PTPA: variants seen among roughly 807,000 people sequenced by gnomAD.
PTPA encodes the protein serine/threonine-protein phosphatase 2A activator.
Under a neutral mutation model 43.6 loss-of-function variants are expected in PTPA, and 13 were observed. That is an observed-to-expected ratio of 0.30 (90% confidence interval 0.19 to 0.47). The LOEUF is 0.47. PTPA is among the 20% of genes least tolerant of loss of function. The probability of loss-of-function intolerance (pLI) is 0.99; values close to 1 mark genes in which losing one functional copy is unlikely to be tolerated. For synonymous variants in PTPA, 172 were observed against 158.2 expected, an observed-to-expected ratio of 1.09 and a Z score of -0.66; for missense variants, 329 against 411.9, an observed-to-expected ratio of 0.80 and a Z score of 1.74.
At chr9:129,111,006 C>G (rs988411546), upstream of PTPA, 1 of 1,370,922 alleles carries the variant, frequency 7.3e-7, no homozygotes, top group Non-Finnish European at 9.8e-7. Flanking sequence ...TCTCCCCTGT[C>G]CCCACATGTC....
chr9:129,143,237 T>C (rs529491019), intron 9 of PTPA: 2 of 688,782 alleles, frequency 2.9e-6, no homozygotes, highest in Non-Finnish European at 5.3e-6. Context: ...TTATTTCTAC[T>C]CTGTCCCTTC....
chr9:129,133,937 T>C (rs1010090870), intron 5 of PTPA, among the ~76,000 whole-genome samples: 1 of 152,234 alleles, frequency 6.6e-6, no homozygotes, highest in Non-Finnish European at 1.5e-5. Flanking sequence ...CCCTTTGCCT[T>C]GCCAGCTCAC....
intron 8 of PTPA, among the ~76,000 whole-genome samples, chr9:129,141,101 T>C (rs978272073): frequency 2.0e-5 from 3 of 151,966 alleles, no homozygotes; most frequent in African/African-American, 7.3e-5. Flanking sequence ...TGGATGGGCT[T>C]TTTGGGAACC....
chr9:129,128,197 C>A, intron 3 of PTPA: 1 of 459,974 alleles, frequency 2.2e-6, no homozygotes. Flanking sequence ...CCATGCTAAA[C>A]CATGTAAAAC....
intron 8 of PTPA, among the ~76,000 whole-genome samples, chr9:129,138,619 A>G (rs976713987): frequency 2.0e-5 from 3 of 152,104 alleles, no homozygotes; most frequent in Non-Finnish European, 4.4e-5. Context: ...ACCAGCACGG[A>G]TGTCTGCTGC....
At chr9:129,144,656 G>A (rs111452408) in intron 9 of PTPA, among the ~76,000 whole-genome samples, 9,199 of 151,096 alleles carry the variant, frequency 0.061, 902 homozygotes, top group African/African-American at 0.21. Context: ...GGAGAATGGC[G>A]TGAGTCCGGG....
chr9:129,124,524 A>G (rs1442529354), intron 3 of PTPA, among the ~76,000 whole-genome samples: 3 of 152,274 alleles, frequency 2.0e-5, no homozygotes, highest in Non-Finnish European at 4.4e-5. Context: ...TTGGGTTCAC[A>G]CTGCCTGGTG....
chr9:129,137,912 A>C (rs577347298), intron 8 of PTPA: 90 of 564,718 alleles, frequency 1.6e-4, no homozygotes, highest in Non-Finnish European at 2.4e-4. Flanking sequence ...TTTCTCCTGA[A>C]CACCACAGGA....
intron 8 of PTPA, chr9:129,140,270 G>A (rs1033948422): frequency 2.0e-5 from 3 of 152,664 alleles, no homozygotes; most frequent in Non-Finnish European, 4.4e-5. Flanking sequence ...TGGCTAGAAT[G>A]AGCTAATTTT....
At chr9:129,122,612 A>G (rs1357797779) in intron 2 of PTPA, among the ~76,000 whole-genome samples, 1 of 152,172 alleles carries the variant, frequency 6.6e-6, no homozygotes, top group Non-Finnish European at 1.5e-5. Flanking sequence ...GTAGAGCATC[A>G]TGGACAAGCA....
At chr9:129,112,977 G>C (rs1266164112) in intron 1 of PTPA, among the ~76,000 whole-genome samples, 1 of 151,652 alleles carries the variant, frequency 6.6e-6, no homozygotes, top group African/African-American at 2.4e-5. Context: ...CACTCTTTTG[G>C]CTTCTCTAAG....
intron 8 of PTPA, chr9:129,141,939 G>T (rs1055933615): frequency 2.2e-4 from 34 of 153,202 alleles, no homozygotes; most frequent in Non-Finnish European, 3.9e-4. Flanking sequence ...CGTGTCCTGT[G>T]GGGGGGCCTG....
chr9:129,114,581 C>G (rs1488126922), intron 1 of PTPA, among the ~76,000 whole-genome samples: 2 of 152,004 alleles, frequency 1.3e-5, no homozygotes, highest in Non-Finnish European at 2.9e-5. Flanking sequence ...TGCTGATTGC[C>G]CTTATCTTTT....
chr9:129,136,577 G>A lies in PTPA; in HGVS notation c.667G>A (p.Gly223Ser). Residue 223 changes from glycine to serine, a missense_variant, in exon 7 of 10, where the codon GGC becomes AGC. Gly to Ser is a moderately conservative substitution (Grantham distance 56, BLOSUM62 0). Transcript: ENST00000393370. The stretch of plus-strand genomic sequence containing the variant: ...CTTCCAGTTTCTGCCCTTCATCTGG[G>A]GCAGTTCGCAGCTGATAGGTACTAG... ...DDFQFLPFIWGSSQLIDHPYL... is the reference protein window; with the variant it reads ...DDFQFLPFIWSSSQLIDHPYL... The A allele has an allele frequency of 1.2e-6, 2 of 1,613,302 alleles. No homozygotes were observed. Among genetic ancestry groups the A allele is most frequent in the Non-Finnish European group, 1.7e-6 (2 of 1,179,594 alleles).
At chr9:129,137,722 T>C (rs1303614975) in intron 8 of PTPA, 30 bp downstream of exon 8, 2 of 1,535,890 alleles carry the variant, frequency 1.3e-6, no homozygotes, top group African/African-American at 1.4e-5. Flanking sequence ...GAGAAGCCCA[T>C]GGCTGCCTCC....
Position 129,111,642 on chromosome 9 carries a change from CG to C in PTPA, c.31+15del. ...GGCAGCCGCCGCCAGGTAAGGCCGGCGGGGCCAGGCCGGGCCGGGGTCGGGT... is the reference window on the plus strand; with the variant it reads ...GGCAGCCGCCGCCAGGTAAGGCCGGCGGGCCAGGCCGGGCCGGGGTCGGGT... On this transcript the variant is annotated intron_variant, in intron 1 of 9. Coordinates refer to ENST00000393370, the MANE Select transcript of PTPA (RefSeq NM_178000.3). The C allele has an allele frequency of 1.8e-6, 2 of 1,094,340 alleles. No individual in the cohort carries two copies. The highest frequency in any genetic ancestry group is 2.3e-6 in the Non-Finnish European group (2 of 887,988). 67.8% of individuals were successfully genotyped at this position (1,094,340 alleles called of 1,614,324 possible).
Position 129,111,553 on chromosome 9 carries a change from G to A in PTPA, c.-48G>A. The A allele has an allele frequency of 2.3e-6, 3 of 1,291,684 alleles. No individual in the cohort carries two copies. Among genetic ancestry groups the A allele is most frequent in the East Asian group, 3.1e-5 (1 of 32,128 alleles). 80.0% of individuals were successfully genotyped at this position (1,291,684 alleles called of 1,614,324 possible). A position where few individuals can be genotyped will look rare whatever the true frequency, so the allele number is the denominator to read the frequency against. Reference sequence around the variant, plus strand: ...AGGAAGGGTGGGTGCAAGAGTGAAAGGCGAGAGGGGACTGCAAGCATCCGG... The same window carrying A: ...AGGAAGGGTGGGTGCAAGAGTGAAAAGCGAGAGGGGACTGCAAGCATCCGG... On this transcript the variant is annotated 5_prime_UTR_variant, in exon 1 of 10. Transcript: ENST00000393370.
chr9:129,147,343 T>C, intron 9 of PTPA, 44 bp from the exon 10 acceptor site: 1 of 1,587,728 alleles, frequency 6.3e-7, no homozygotes, highest in Non-Finnish European at 8.6e-7. Context: ...GGCAGGGGTG[T>C]GGTGTGGCCC....
intron 3 of PTPA, among the ~76,000 whole-genome samples, chr9:129,124,189 C>G (rs1397933738): frequency 2.0e-5 from 3 of 152,068 alleles, no homozygotes; most frequent in Non-Finnish European, 2.9e-5. Flanking sequence ...GAGCTGTGCC[C>G]TCATTTATTT....
Sources: gnomAD v4.1 joint callset for allele counts (sites outside exome capture counted in the v4.1 genomes callset) on GRCh38, gnomAD v4.1.1 for gene constraint, MANE v1.5 for transcripts, NCBI Gene and HGNC (gene_info 2026-07-23, HGNC 2026-07-21) for gene names.